WWOX: variants seen among roughly 807,000 people sequenced by gnomAD.
The protein encoded by WWOX is WW domain-containing oxidoreductase.
Under a neutral mutation model 46.2 loss-of-function variants are expected in WWOX, and 69 were observed. That is an observed-to-expected ratio of 1.49 (90% confidence interval 1.23 to 1.82). The LOEUF is 1.82. Ranked by LOEUF, WWOX falls within the 40% of genes most tolerant of loss-of-function variation. WWOX has a pLI of 0.00. For missense variants in WWOX, 919 were observed against 542.6 expected (o/e 1.69, Z -6.89); for synonymous variants, 359 against 202.6 (o/e 1.77, Z -6.56).
chr16:78,827,844 A>T (rs1021863783), intron 8 of WWOX, among the ~76,000 whole-genome samples: 1 of 151,822 alleles, frequency 6.6e-6, no homozygotes, highest in Non-Finnish European at 1.5e-5. Flanking sequence ...CATTTCAGAG[A>T]AAAACAACAA....
chr16:78,690,234 T>G (rs544300546), intron 8 of WWOX, among the ~76,000 whole-genome samples: 1 of 152,146 alleles, frequency 6.6e-6, no homozygotes, highest in African/African-American at 2.4e-5. Context: ...GGGCCGGATA[T>G]AGTGCACATG....
Position 78,516,736 on chromosome 16 carries a change from C to G in WWOX, c.1056+83984C>G, listed in dbSNP as rs543624393. On this transcript the variant is annotated intron_variant, in intron 8 of 8. Coordinates refer to ENST00000566780, the MANE Select transcript of WWOX (RefSeq NM_016373.4). ...TGATCCTTACTTAGCATAATTTAAA[C>G]GCGAGGGTTTCCTAATGCTCCTTCC... 2.5e-4 allele frequency among the ~76,000 whole-genome samples: 38 copies of G among 152,226 alleles called. 1 individual carries two copies. The highest frequency in any genetic ancestry group is 8.9e-4 in the African/African-American group (37 of 41,544).
At chr16:78,379,785 T>C (rs72796063) in intron 5 of WWOX, among the ~76,000 whole-genome samples, 8,093 of 152,232 alleles carry the variant, frequency 0.053, 282 homozygotes, top group East Asian at 0.12. Flanking sequence ...AAGTAATAAT[T>C]TGTGGTTTTG....
intron 4 of WWOX, among the ~76,000 whole-genome samples, chr16:78,151,482 C>T (rs1345044777): frequency 6.6e-6 from 1 of 152,154 alleles, no homozygotes. Context: ...TAATGTGTTT[C>T]ATAAAGCACA....
intron 5 of WWOX, among the ~76,000 whole-genome samples, chr16:78,236,055 A>G (rs936597468): frequency 2.0e-5 from 3 of 152,250 alleles, no homozygotes; most frequent in South Asian, 4.1e-4. Flanking sequence ...ATGTGTTCCA[A>G]TAAAACTTTA....
chr16:78,863,526 A>T (rs1184929348), intron 8 of WWOX, among the ~76,000 whole-genome samples: 1 of 152,200 alleles, frequency 6.6e-6, no homozygotes, highest in African/African-American at 2.4e-5. Context: ...TCACAGCTCA[A>T]AACCATCAGT....
intron 8 of WWOX, among the ~76,000 whole-genome samples, chr16:78,559,005 C>G (rs948402670): frequency 5.9e-5 from 9 of 152,182 alleles, no homozygotes; most frequent in Non-Finnish European, 5.9e-5. Flanking sequence ...GACTTTGTTG[C>G]TCACAATCAT....
rs757195574 is a variant in WWOX at position 78,263,996 on chromosome 16, C to CTTTTTTTTTTTTTTTTTTTTTTTTTT, written c.516+99726_516+99727insTTTTTTTTTTTTTTTTTTTTTTTTTT. Among the ~76,000 whole-genome samples the CTTTTTTTTTTTTTTTTTTTTTTTTTT allele has an allele frequency of 6.9e-4, 54 of 78,818 alleles. 14 individuals are homozygous for CTTTTTTTTTTTTTTTTTTTTTTTTTT. Among genetic ancestry groups the CTTTTTTTTTTTTTTTTTTTTTTTTTT allele is most frequent in the Admixed American group, 1.2e-3 (8 of 6,516 alleles). 51.7% of individuals were successfully genotyped at this position (78,818 alleles called of 152,430 possible). ...AGAAATATGTGTTTGGCTGTGAAAT[C>CTTTTTTTTTTTTTTTTTTTTTTTTTT]TTTTTTTTTTTTTTTTTTTGTTTTT... is the stretch of plus-strand genomic sequence containing the variant. On this transcript the variant is annotated intron_variant, in intron 5 of 8. Coordinates refer to ENST00000566780, the MANE Select transcript of WWOX (RefSeq NM_016373.4).
At chr16:79,154,203 C>G (rs935449349) in intron 8 of WWOX, among the ~76,000 whole-genome samples, 1 of 152,158 alleles carries the variant, frequency 6.6e-6, no homozygotes, top group Non-Finnish European at 1.5e-5. Context: ...CCACTAAATC[C>G]TTTTAATTTA....
chr16:78,380,195 C>T (rs1358653829), intron 5 of WWOX, among the ~76,000 whole-genome samples: 1 of 152,090 alleles, frequency 6.6e-6, no homozygotes, highest in Non-Finnish European at 1.5e-5. Flanking sequence ...GTCTTTGTCT[C>T]AGCTGCCATG....
At chr16:78,720,127 A>G (rs2048655986) in intron 8 of WWOX, among the ~76,000 whole-genome samples, 1 of 152,192 alleles carries the variant, frequency 6.6e-6, no homozygotes, top group Non-Finnish European at 1.5e-5. Flanking sequence ...TCTTGGTCTT[A>G]CTGACAATAT....
intron 8 of WWOX, among the ~76,000 whole-genome samples, chr16:78,979,585 C>G (rs1410202850): frequency 6.6e-6 from 1 of 152,060 alleles, no homozygotes; most frequent in African/African-American, 2.4e-5. Flanking sequence ...GAGGTTCCAC[C>G]CAGAGAGGAG....
rs998479235 is a variant in WWOX, at chr16:78,645,851, G to C, written c.1056+213099G>C. ...GTGTTGGCAGGGCTGGGCTCTGGGGGCTTCTGGGGAGAATTTGTTCTGACT... is the reference window on the plus strand; with the variant it reads ...GTGTTGGCAGGGCTGGGCTCTGGGGCCTTCTGGGGAGAATTTGTTCTGACT... On this transcript the variant is annotated intron_variant, in intron 8 of 8. Transcript: ENST00000566780. 1.1e-4 allele frequency among the ~76,000 whole-genome samples: 16 copies of C among 152,206 alleles called. No individual in the cohort carries two copies. The East Asian group carries it at 2.7e-3, about 26-fold the overall frequency.
At chr16:79,127,588 C>G (rs990632411) in intron 8 of WWOX, among the ~76,000 whole-genome samples, 1 of 152,190 alleles carries the variant, frequency 6.6e-6, no homozygotes, top group Non-Finnish European at 1.5e-5. Context: ...GCACCGACAT[C>G]GCTTCCCACG....
At position 78,193,844 on chromosome 16, in the gene WWOX, A is replaced by G. The variant is rs1356036597; in HGVS notation, c.516+29555A>G. On this transcript the variant is annotated intron_variant, in intron 5 of 8. Transcript: ENST00000566780. ...TTTATTATTATTATTATTATTTTCA[A>G]TTTTTTATTTTTATTATTATTATTA... is the stretch of plus-strand genomic sequence containing the variant. Among the ~76,000 whole-genome samples the G allele has an allele frequency of 4.0e-5, 6 of 149,620 alleles. No individual in the cohort carries two copies. In the East Asian group the frequency reaches 1.2e-3, roughly 29 times the overall value.
At chr16:78,457,510 A>G (rs2083847480) in intron 8 of WWOX, among the ~76,000 whole-genome samples, 1 of 152,150 alleles carries the variant, frequency 6.6e-6, no homozygotes, top group African/African-American at 2.4e-5. Context: ...TCATTCACCA[A>G]TCTTTTTTTT....
At chr16:79,068,428 C>G (rs2048481896) in intron 8 of WWOX, among the ~76,000 whole-genome samples, 1 of 152,088 alleles carries the variant, frequency 6.6e-6, no homozygotes, top group African/African-American at 2.4e-5. Context: ...TGCTGCCTGA[C>G]ACACTCCTTC....
At chr16:78,380,089 C>T (rs2081922075) in intron 5 of WWOX, among the ~76,000 whole-genome samples, 2 of 152,108 alleles carry the variant, frequency 1.3e-5, no homozygotes, top group African/African-American at 4.8e-5. Flanking sequence ...AATGAGTGCC[C>T]CTGTATCCGA....
intron 8 of WWOX, among the ~76,000 whole-genome samples, chr16:78,665,036 C>T (rs1481256935): frequency 1.3e-5 from 2 of 152,164 alleles, no homozygotes; most frequent in Non-Finnish European, 2.9e-5. Flanking sequence ...CAGCCTGCAT[C>T]CTGTTCATTA....
Sources: gnomAD v4.1 joint callset for allele counts (sites outside exome capture counted in the v4.1 genomes callset) on GRCh38, gnomAD v4.1.1 for gene constraint, MANE v1.5 for transcripts, NCBI Gene and HGNC (gene_info 2026-07-23, HGNC 2026-07-21) for gene names.